Variants in DHRS9 observed in about 807,000 individuals in gnomAD.
DHRS9 encodes the protein dehydrogenase/reductase 9, also known as dehydrogenase/reductase SDR family member 9.
DHRS9 carries 18 observed loss-of-function variants against 26.6 expected under a neutral mutation model. The ratio of observed to expected loss-of-function variants is 0.68; its 90% CI spans 0.47 to 1.00. The LOEUF (loss-of-function observed/expected upper bound fraction) is 1.00. Ranked by LOEUF, DHRS9 falls within the 50% of genes least tolerant of loss-of-function variation. DHRS9 has a pLI of 0.00. For missense variants in DHRS9, 425 were observed against 378.7 expected (o/e 1.12, Z -1.01); for synonymous variants, 134 against 141.1 (o/e 0.95, Z 0.36).
chr2:169,082,607 C>T (rs905441259), intron 2 of DHRS9, among the ~76,000 whole-genome samples: 3 of 151,958 alleles, frequency 2.0e-5, no homozygotes, highest in African/African-American at 7.3e-5. Flanking sequence ...GATAAGGCTT[C>T]GATTTTTAAC....
intron 4 of DHRS9, among the ~76,000 whole-genome samples, chr2:169,093,447 G>C (rs899627626): frequency 6.0e-5 from 9 of 150,588 alleles, no homozygotes; most frequent in African/African-American, 2.2e-4. Flanking sequence ...GCCACTATAG[G>C]TTTAGAGCCA....
At chr2:169,094,410 G>T (rs536957410) in intron 4 of DHRS9, among the ~76,000 whole-genome samples, 1 of 152,174 alleles carries the variant, frequency 6.6e-6, no homozygotes, top group Admixed American at 6.5e-5. Context: ...TTGCTGTGCA[G>T]AAGCTTTTTA....
chr2:169,067,432 T>C (rs1202242481), upstream of DHRS9, among the ~76,000 whole-genome samples: 3 of 152,152 alleles, frequency 2.0e-5, no homozygotes, highest in Non-Finnish European at 4.4e-5. Context: ...GAGAAGATAC[T>C]CTTGGGTAGA....
chr2:169,087,105 C>T (rs1684376033), intron 3 of DHRS9, among the ~76,000 whole-genome samples: 1 of 152,112 alleles, frequency 6.6e-6, no homozygotes, highest in South Asian at 2.1e-4. Flanking sequence ...TCCAGAGATG[C>T]CATGTGGAAG....
chr2:169,078,796 C>A (rs1344393876), intron 1 of DHRS9, among the ~76,000 whole-genome samples: 2 of 133,116 alleles, frequency 1.5e-5, no homozygotes, highest in African/African-American at 2.9e-5. Context: ...ATTCCTCTGA[C>A]TTAATTTTTA....
intron 1 of DHRS9, chr2:169,081,161 T>G (rs1684168418): frequency 9.9e-7 from 1 of 1,011,818 alleles, no homozygotes; most frequent in Non-Finnish European, 1.2e-6. Flanking sequence ...AGGTAAGATT[T>G]TACTGTGAGG....
chr2:169,082,847 C>T (rs1029053933), intron 2 of DHRS9, among the ~76,000 whole-genome samples: 4 of 123,968 alleles, frequency 3.2e-5, no homozygotes, highest in Non-Finnish European at 6.2e-5. Context: ...CACATGGACA[C>T]AGGAAGGGGA....
chr2:169,079,973 G>GAA (rs1684116756), intron 1 of DHRS9, among the ~76,000 whole-genome samples: 1 of 109,590 alleles, frequency 9.1e-6, no homozygotes, highest in Non-Finnish European at 1.9e-5. Context: ...GAGAGAGAGA[G>GAA]AGAGAGAGAG....
intron 1 of DHRS9, chr2:169,070,667 T>C (rs1683773659): frequency 1.0e-6 from 1 of 983,858 alleles, no homozygotes; most frequent in Non-Finnish European, 1.2e-6. Flanking sequence ...AATGTTTAAG[T>C]ACACACAAAA....
intron 3 of DHRS9, among the ~76,000 whole-genome samples, chr2:169,090,785 G>A (rs1351945147): frequency 6.6e-6 from 1 of 152,192 alleles, no homozygotes; most frequent in Non-Finnish European, 1.5e-5. Context: ...TGGTGTGAAA[G>A]TGAGATGCAT....
chr2:169,075,619 T>C (rs1455832436), intron 1 of DHRS9, among the ~76,000 whole-genome samples: 9 of 152,180 alleles, frequency 5.9e-5, no homozygotes, highest in Non-Finnish European at 1.3e-4. Context: ...AAAATTTTGA[T>C]CCAGGATCAC....
At chr2:169,095,255 C>T (rs930408955) in intron 4 of DHRS9, among the ~76,000 whole-genome samples, 2 of 152,024 alleles carry the variant, frequency 1.3e-5, no homozygotes, top group Non-Finnish European at 2.9e-5. Context: ...ATTCTTGGGC[C>T]CCACCTCATA....
rs770804680 is a variant in DHRS9 at position 169,091,907 on chromosome 2, G to C, written c.690G>C (p.Leu230=). ...AAAAACTCGCCATTTGGGAGCAGCT[G>C]TCTCCAGACATCAAACAACAATATG... ...IEKKLAIWEQ[L]SPDIKQQYGE... is the part of the protein sequence containing the mutation. Residue 230 remains leucine (L), a synonymous_variant, in exon 4 of 5, where the codon CTG becomes CTC. Transcript: ENST00000674881. 2 of 1,614,076 alleles carry C rather than the reference G, an allele frequency of 1.2e-6. No individual in the cohort carries two copies. The highest frequency in any genetic ancestry group is 1.7e-6 in the Non-Finnish European group (2 of 1,180,002).
chr2:169,074,237 T>A (rs550272455), intron 1 of DHRS9: 1 of 979,172 alleles, frequency 1.0e-6, no homozygotes, highest in South Asian at 4.7e-5. Context: ...AGGTAGATGT[T>A]GTATTTCTAC....
At position 169,083,988 on chromosome 2, in the gene DHRS9, C is replaced by T. The variant is rs79393607; in HGVS notation, c.572+401C>T. ...TGTACCCCCTAACCATTCCCTCTCA[C>T]CCCCACTACCCTCTCAAGCATCTAG... On this transcript the variant is annotated intron_variant, in intron 3 of 4. Coordinates refer to ENST00000674881, the MANE Select transcript of DHRS9 (RefSeq NM_001376924.1). Among the ~76,000 whole-genome samples, 346 of 151,994 alleles carry T rather than the reference C, an allele frequency of 2.3e-3. 8 individuals are homozygous for T. In the East Asian group the frequency reaches 0.059, roughly 26 times the overall value.
In DHRS9 at chr2:169,083,642, T is replaced by C. The variant is rs941741557; in HGVS notation, c.572+55T>C. 7.6e-6 allele frequency: 12 copies of C among 1,585,900 alleles called. No individual in the cohort carries two copies. In the African/African-American group the frequency reaches 1.6e-4, roughly 21 times the overall value. On this transcript the variant is annotated intron_variant, in intron 3 of 4. Coordinates refer to ENST00000674881, the MANE Select transcript of DHRS9 (RefSeq NM_001376924.1). ...ACAATAGCTGCAAACGTTTACTGAA[T>C]GCTTATGTACAAGACATCCTATTTA...
At chr2:169,080,037 G>GAAAGAAAGAAAGA (rs1369268850) in intron 1 of DHRS9, among the ~76,000 whole-genome samples, 2 of 125,896 alleles carry the variant, frequency 1.6e-5, no homozygotes, top group Non-Finnish European at 3.4e-5. Context: ...AAGAAAGAAA[G>GAAAGAAAGAAAGA]AAAGAAAGAA....
intron 3 of DHRS9, among the ~76,000 whole-genome samples, chr2:169,091,181 GC>G (rs909480766): frequency 2.6e-5 from 4 of 151,690 alleles, no homozygotes; most frequent in African/African-American, 9.7e-5. Context: ...AAACCTTGAT[GC>G]CTAGGGAATG....
chr2:169,084,513 C>A (rs1684291806), intron 3 of DHRS9, among the ~76,000 whole-genome samples: 1 of 152,066 alleles, frequency 6.6e-6, no homozygotes, highest in Admixed American at 6.6e-5. Context: ...TATTGCCTGT[C>A]TTTTGTAAAT....
Sources: allele counts gnomAD v4.1 joint callset (sites outside exome capture counted in the v4.1 genomes callset), GRCh38; gene constraint gnomAD v4.1.1; transcripts MANE v1.5; gene names NCBI Gene and HGNC (gene_info 2026-07-23, HGNC 2026-07-21).